Variants in CFAP95 observed in about 807,000 individuals in gnomAD.
CFAP95 encodes the protein cilia- and flagella-associated protein 95.
chr9:69,858,082 G>A, the CFAP95 span: 7 of 1,001,876 alleles, frequency 7.0e-6, no homozygotes, highest in Admixed American at 3.6e-5. Flanking sequence ...TCAACAAAAT[G>A]CCCTTTACAT....
chr9:69,830,506 C>T, the CFAP95 span, among the ~76,000 whole-genome samples: 4 of 152,162 alleles, frequency 2.6e-5, no homozygotes, highest in Non-Finnish European at 5.9e-5. Context: ...AACTCTCCCT[C>T]CCCAGCCAAC....
the CFAP95 span, among the ~76,000 whole-genome samples, chr9:69,864,554 G>A: frequency 1.3e-5 from 2 of 152,076 alleles, no homozygotes; most frequent in African/African-American, 4.8e-5. Context: ...ATGGCTCTAG[G>A]AGAAAGGCAT....
At chr9:69,823,135 G>A in the CFAP95 span, among the ~76,000 whole-genome samples, 1 of 152,170 alleles carries the variant, frequency 6.6e-6, no homozygotes, top group East Asian at 1.9e-4. Flanking sequence ...TTACAACCAT[G>A]GTGGAAGGCA....
At chr9:69,823,927 T>C in the CFAP95 span, among the ~76,000 whole-genome samples, 1 of 152,084 alleles carries the variant, frequency 6.6e-6, no homozygotes, top group African/African-American at 2.4e-5. Context: ...CATTTTCACT[T>C]CTTTTGTGGT....
the CFAP95 span, among the ~76,000 whole-genome samples, chr9:69,895,335 GTC>G: frequency 4.1e-3 from 500 of 121,244 alleles, 4 homozygotes; most frequent in African/African-American, 0.015. Flanking sequence ...CTTAAAATCA[GTC>G]TCTCTCTCTC....
the CFAP95 span, among the ~76,000 whole-genome samples, chr9:69,885,454 G>A: frequency 1.8e-4 from 28 of 152,088 alleles, no homozygotes; most frequent in African/African-American, 6.3e-4. Context: ...ACAGATTCTT[G>A]GCTGCAGTTG....
chr9:69,905,104 C>T, the CFAP95 span, among the ~76,000 whole-genome samples: 1 of 152,098 alleles, frequency 6.6e-6, no homozygotes, highest in East Asian at 1.9e-4. Context: ...TTGTGCCTAA[C>T]CCATAATAGG....
At chr9:69,833,334 A>C in the CFAP95 span, among the ~76,000 whole-genome samples, 11 of 152,170 alleles carry the variant, frequency 7.2e-5, no homozygotes, top group African/African-American at 2.4e-4. Context: ...AGTTTTTATC[A>C]ATACTTCATT....
At chr9:69,852,205 G>T in the CFAP95 span, among the ~76,000 whole-genome samples, 1 of 151,526 alleles carries the variant, frequency 6.6e-6, no homozygotes, top group Non-Finnish European at 1.5e-5. Flanking sequence ...AGCTACAGTT[G>T]GTAGGGGGAA....
chr9:69,854,143 G>A, the CFAP95 span, among the ~76,000 whole-genome samples: 1 of 152,202 alleles, frequency 6.6e-6, no homozygotes, highest in African/African-American at 2.4e-5. Flanking sequence ...CAGAAGTTAA[G>A]AGTTGTCTTT....
the CFAP95 span, among the ~76,000 whole-genome samples, chr9:69,858,769 T>C: frequency 6.6e-6 from 1 of 152,178 alleles, no homozygotes; most frequent in Non-Finnish European, 1.5e-5. Context: ...AGCAACTTCA[T>C]AGAACATTAC....
At chr9:69,888,262 G>A in the CFAP95 span, among the ~76,000 whole-genome samples, 1 of 151,942 alleles carries the variant, frequency 6.6e-6, no homozygotes, top group African/African-American at 2.4e-5. Context: ...GGTTTAGGAC[G>A]CCACCTTCAT....
At chr9:69,857,162 T>C in the CFAP95 span, among the ~76,000 whole-genome samples, 1 of 152,214 alleles carries the variant, frequency 6.6e-6, no homozygotes, top group Non-Finnish European at 1.5e-5. Flanking sequence ...TTAATCAGAA[T>C]TAATTGCTTT....
At chr9:69,872,803 T>C in the CFAP95 span, among the ~76,000 whole-genome samples, 1 of 152,074 alleles carries the variant, frequency 6.6e-6, no homozygotes, top group Non-Finnish European at 1.5e-5. Context: ...TGAGCTTGAA[T>C]CACCTGTTCT....
At chr9:69,888,498 A>G in the CFAP95 span, among the ~76,000 whole-genome samples, 1 of 152,216 alleles carries the variant, frequency 6.6e-6, no homozygotes, top group African/African-American at 2.4e-5. Flanking sequence ...TATAGGGAAC[A>G]CACCCCATTT....
chr9:69,904,004 G>T, the CFAP95 span, among the ~76,000 whole-genome samples: 12 of 152,328 alleles, frequency 7.9e-5, no homozygotes, highest in East Asian at 1.7e-3. Flanking sequence ...GATTACAGGA[G>T]TGAGCCTCTG....
At chr9:69,850,358 A>C in the CFAP95 span, among the ~76,000 whole-genome samples, 3 of 152,254 alleles carry the variant, frequency 2.0e-5, no homozygotes, top group Non-Finnish European at 2.9e-5. Flanking sequence ...AGCATCACAG[A>C]TATTTTGGAT....
At chr9:69,824,456 G>A in the CFAP95 span, among the ~76,000 whole-genome samples, 97 of 151,964 alleles carry the variant, frequency 6.4e-4, 5 homozygotes, top group Non-Finnish European at 2.5e-4. Flanking sequence ...GTTGCCCTAC[G>A]TGCATGTTCC....
the CFAP95 span, among the ~76,000 whole-genome samples, chr9:69,832,438 C>T: frequency 1.3e-5 from 2 of 152,110 alleles, no homozygotes; most frequent in Non-Finnish European, 2.9e-5. Context: ...GTAAGTCTTG[C>T]TCCTTGTCTC....
Sources: allele counts gnomAD v4.1 joint callset (sites outside exome capture counted in the v4.1 genomes callset), GRCh38; gene constraint gnomAD v4.1.1; transcripts MANE v1.5; gene names NCBI Gene and HGNC (gene_info 2026-07-23, HGNC 2026-07-21).